The following PKIB variants were observed in gnomAD, a reference collection of about 807,000 sequenced individuals.
PKIB encodes PKI-beta.
In PKIB, 2 loss-of-function variants were observed where a neutral mutation model predicts 4.5. That is an observed-to-expected ratio of 0.44 (90% CI 0.18 to 1.39). The LOEUF (loss-of-function observed/expected upper bound fraction) is 1.39, where lower values mean the gene tolerates loss of function less well. PKIB is among the 40% of genes most tolerant of loss of function. The pLI is 0.27. For synonymous variants in PKIB, 38 were observed against 36.0 expected, an observed-to-expected ratio of 1.06 and a Z score of -0.20; for missense variants, 94 against 92.6, an observed-to-expected ratio of 1.02 and a Z score of -0.06.
At chr6:122,495,511 A>G (rs1451748954) in intron 2 of PKIB, among the ~76,000 whole-genome samples, 1 of 151,542 alleles carries the variant, frequency 6.6e-6, no homozygotes, top group Non-Finnish European at 1.5e-5. Flanking sequence ...CACAGCCAGC[A>G]CTTGACTTCT....
chr6:122,660,943 CT>C (rs1264170615), intron 2 of PKIB, among the ~76,000 whole-genome samples: 3 of 152,020 alleles, frequency 2.0e-5, no homozygotes, highest in Non-Finnish European at 4.4e-5. Flanking sequence ...TATACTTAGA[CT>C]TTTTTAGTGT....
intron 2 of PKIB, among the ~76,000 whole-genome samples, chr6:122,533,138 A>G (rs1777305752): frequency 6.8e-6 from 1 of 146,142 alleles, no homozygotes. Context: ...CCTTTGATGC[A>G]CAAAACTTTT....
intron 2 of PKIB, among the ~76,000 whole-genome samples, chr6:122,577,987 C>A (rs1203229377): frequency 6.7e-6 from 1 of 150,196 alleles, no homozygotes; most frequent in Admixed American, 6.6e-5. Flanking sequence ...CAGACAAAAG[C>A]ATAGTTAGAG....
At chr6:122,528,214 T>C (rs1475121491) in intron 2 of PKIB, among the ~76,000 whole-genome samples, 2 of 152,200 alleles carry the variant, frequency 1.3e-5, no homozygotes, top group African/African-American at 2.4e-5. Flanking sequence ...ACTCCTGCTG[T>C]TTTTGATTGC....
At chr6:122,504,223 C>G (rs925488420) in intron 2 of PKIB, among the ~76,000 whole-genome samples, 2 of 152,110 alleles carry the variant, frequency 1.3e-5, no homozygotes, top group Admixed American at 6.5e-5. Flanking sequence ...CTCTAATAAT[C>G]TGAATTATTT....
chr6:122,584,272 T>C (rs961330827), intron 2 of PKIB, among the ~76,000 whole-genome samples: 1 of 152,144 alleles, frequency 6.6e-6, no homozygotes, highest in Admixed American at 6.6e-5. Context: ...CAAATAAGGA[T>C]TATTTTTTTC....
chr6:122,493,866 A>G (rs969157468), intron 2 of PKIB, among the ~76,000 whole-genome samples: 1 of 152,092 alleles, frequency 6.6e-6, no homozygotes, highest in Non-Finnish European at 1.5e-5. Flanking sequence ...CAGGGACCAC[A>G]TTGTTCCCAC....
intron 2 of PKIB, among the ~76,000 whole-genome samples, chr6:122,551,209 T>G (rs1334359736): frequency 1.3e-5 from 2 of 152,192 alleles, no homozygotes; most frequent in Non-Finnish European, 2.9e-5. Flanking sequence ...TTCTTGATGA[T>G]TCCCTGGTTA....
At chr6:122,707,078 A>G (rs1008797320) in intron 3 of PKIB, among the ~76,000 whole-genome samples, 4 of 152,158 alleles carry the variant, frequency 2.6e-5, no homozygotes, top group African/African-American at 9.6e-5. Flanking sequence ...AAATGTATCA[A>G]TTTAAATAAT....
intron 4 of PKIB, among the ~76,000 whole-genome samples, chr6:122,724,154 A>G (rs907005038): frequency 6.6e-6 from 1 of 152,194 alleles, no homozygotes; most frequent in African/African-American, 2.4e-5. Flanking sequence ...GAAAGAGAAG[A>G]TAGTATGTGG....
At position 122,559,597 on chromosome 6, in the gene PKIB, G is replaced by A. The variant is rs1398016288; in HGVS notation, c.-247-26324G>A. ...CTGTGAAGAATGATGGTGGTATTTT[G>A]ATGGGGATTGCATTGAATTTGTAGA... is the stretch of plus-strand genomic sequence containing the variant. On this transcript the variant is annotated intron_variant, in intron 2 of 6. Transcript: ENST00000392491. 6.6e-5 allele frequency among the ~76,000 whole-genome samples: 10 copies of A among 151,946 alleles called. No homozygotes were observed. In the East Asian group the frequency reaches 1.7e-3, roughly 26 times the overall value.
At chr6:122,670,835 G>T (rs1435002105) in intron 2 of PKIB, among the ~76,000 whole-genome samples, 5 of 152,116 alleles carry the variant, frequency 3.3e-5, no homozygotes, top group Non-Finnish European at 7.3e-5. Context: ...GAGGTTAAAT[G>T]CATCCTCTTA....
intron 3 of PKIB, among the ~76,000 whole-genome samples, chr6:122,677,483 C>T (rs1019787737): frequency 4.6e-5 from 7 of 152,172 alleles, no homozygotes; most frequent in African/African-American, 1.7e-4. Flanking sequence ...TTGTGTGCTT[C>T]TGCTAGTGCA....
intron 3 of PKIB, among the ~76,000 whole-genome samples, chr6:122,688,035 C>T (rs1778162154): frequency 6.6e-6 from 1 of 151,896 alleles, no homozygotes; most frequent in Non-Finnish European, 1.5e-5. Flanking sequence ...TATTCCAGAT[C>T]TTAGAGGAAA....
intron 2 of PKIB, among the ~76,000 whole-genome samples, chr6:122,540,938 G>T (rs1233472866): frequency 5.7e-4 from 77 of 134,012 alleles, no homozygotes; most frequent in Admixed American, 1.2e-3. Context: ...TTATGTAATG[G>T]CCTTCTTTGT....
At chr6:122,535,246 T>G (rs1335333299) in intron 2 of PKIB, among the ~76,000 whole-genome samples, 1 of 152,194 alleles carries the variant, frequency 6.6e-6, no homozygotes, top group African/African-American at 2.4e-5. Flanking sequence ...ATCAGAAGAA[T>G]AATTTTTCAA....
intron 2 of PKIB, among the ~76,000 whole-genome samples, chr6:122,501,018 C>T (rs1776216731): frequency 6.6e-6 from 1 of 151,990 alleles, no homozygotes; most frequent in African/African-American, 2.4e-5. Flanking sequence ...AGGACCCTCT[C>T]CCAACACGTG....
At chr6:122,694,686 A>T (rs1460748825) in intron 3 of PKIB, among the ~76,000 whole-genome samples, 1 of 152,248 alleles carries the variant, frequency 6.6e-6, no homozygotes, top group Non-Finnish European at 1.5e-5. Flanking sequence ...TTATGATGGC[A>T]AAGCTATAAA....
chr6:122,592,784 G>A (rs574655369), intron 3 of PKIB, among the ~76,000 whole-genome samples: 8 of 152,300 alleles, frequency 5.3e-5, no homozygotes, highest in Middle Eastern at 3.4e-3. Context: ...TGCAAGTACA[G>A]CAGTGCTTTT....
Sources: gnomAD v4.1 joint callset for allele counts (sites outside exome capture counted in the v4.1 genomes callset) on GRCh38, gnomAD v4.1.1 for gene constraint, MANE v1.5 for transcripts, NCBI Gene and HGNC (gene_info 2026-07-23, HGNC 2026-07-21) for gene names.